FAM174A: variants seen among roughly 807,000 people sequenced by gnomAD.
The protein encoded by FAM174A is family with sequence similarity 174 member A, also known as membrane protein FAM174A.
A neutral mutation model predicts 14.3 loss-of-function variants in FAM174A; 14 were observed. The ratio of observed to expected loss-of-function variants is 0.98; its 90% CI spans 0.65 to 1.53. The LOEUF (loss-of-function observed/expected upper bound fraction) is 1.53, where lower values mean the gene tolerates loss of function less well. Ranked by LOEUF, FAM174A falls within the 40% of genes most tolerant of loss-of-function variation. FAM174A has a pLI of 0.00. For synonymous variants in FAM174A, 108 were observed against 111.4 expected (o/e 0.97, Z 0.19); for missense variants, 241 against 249.6 (o/e 0.97, Z 0.23).
At chr5:100,549,651 T>C (rs995078254) in intron 1 of FAM174A, among the ~76,000 whole-genome samples, 12 of 152,114 alleles carry the variant, frequency 7.9e-5, no homozygotes, top group African/African-American at 2.6e-4. Context: ...AGTAAACACT[T>C]CATTAGAATT....
At chr5:100,560,071 T>C (rs1395508983) in intron 1 of FAM174A, among the ~76,000 whole-genome samples, 4 of 152,052 alleles carry the variant, frequency 2.6e-5, no homozygotes, top group African/African-American at 7.2e-5. Flanking sequence ...TTCCCCATCT[T>C]TGTGGTTTTA....
intron 2 of FAM174A, among the ~76,000 whole-genome samples, chr5:100,580,214 T>C (rs1746984432): frequency 6.6e-6 from 1 of 152,168 alleles, no homozygotes; most frequent in Non-Finnish European, 1.5e-5. Context: ...TACTGTAAGA[T>C]GCCATCAATT....
chr5:100,567,445 T>C (rs138983090), intron 2 of FAM174A, among the ~76,000 whole-genome samples: 79 of 152,028 alleles, frequency 5.2e-4, no homozygotes, highest in African/African-American at 1.9e-3. Context: ...GTTAACAGTT[T>C]ATTTTTCATC....
chr5:100,568,353 C>T (rs1197954872), intron 2 of FAM174A, among the ~76,000 whole-genome samples: 1 of 151,840 alleles, frequency 6.6e-6, no homozygotes, highest in Non-Finnish European at 1.5e-5. Flanking sequence ...TCAGGCATTT[C>T]TCCATAGAGC....
At chr5:100,573,968 TC>T (rs1199333469) in intron 2 of FAM174A, among the ~76,000 whole-genome samples, 1 of 152,154 alleles carries the variant, frequency 6.6e-6, no homozygotes, top group African/African-American at 2.4e-5. Context: ...GGTTTTTTTT[TC>T]TTAATAGAAT....
chr5:100,563,382 A>G (rs1306811304), intron 2 of FAM174A, among the ~76,000 whole-genome samples: 1 of 138,560 alleles, frequency 7.2e-6, no homozygotes, highest in Non-Finnish European at 1.5e-5. Context: ...ATTTTAAGTC[A>G]AAAACTATCT....
chr5:100,585,374 T>G lies in FAM174A; in HGVS notation c.570-807T>G, dbSNP rs1035745233. Among the ~76,000 whole-genome samples the G allele has an allele frequency of 2.0e-5, 3 of 152,204 alleles. No individual in the cohort carries two copies. The South Asian group carries it at 6.2e-4, about 32-fold the overall frequency. On this transcript the variant is annotated intron_variant, in intron 2 of 2. Transcript: ENST00000312637. ...AAAATAAATCAGCATCTACATTTAT[T>G]TTATCCATTCATGGCATACTTTTTT...
At chr5:100,578,060 G>T (rs1746936902) in intron 2 of FAM174A, among the ~76,000 whole-genome samples, 1 of 152,010 alleles carries the variant, frequency 6.6e-6, no homozygotes, top group African/African-American at 2.4e-5. Context: ...TTTATAGTCT[G>T]TTTGTTTGTA....
At chr5:100,578,990 G>T (rs1746954374) in intron 2 of FAM174A, among the ~76,000 whole-genome samples, 1 of 152,166 alleles carries the variant, frequency 6.6e-6, no homozygotes, top group Non-Finnish European at 1.5e-5. Flanking sequence ...CGTAGCCCAT[G>T]TATTGCATAC....
intron 2 of FAM174A, among the ~76,000 whole-genome samples, chr5:100,570,223 T>C (rs1746751989): frequency 6.6e-6 from 1 of 151,934 alleles, no homozygotes; most frequent in Non-Finnish European, 1.5e-5. Context: ...GAGGTGTGTT[T>C]ATTCCTATTA....
At chr5:100,543,065 C>T (rs993718385) in intron 1 of FAM174A, among the ~76,000 whole-genome samples, 1 of 152,008 alleles carries the variant, frequency 6.6e-6, no homozygotes, top group Non-Finnish European at 1.5e-5. Flanking sequence ...CTGCACTCCA[C>T]CTTTCATGAC....
At chr5:100,575,321 A>G (rs999180406) in intron 2 of FAM174A, among the ~76,000 whole-genome samples, 1 of 152,068 alleles carries the variant, frequency 6.6e-6, no homozygotes, top group African/African-American at 2.4e-5. Flanking sequence ...TTACATATGT[A>G]TACATATGCC....
rs368184022 is a variant in FAM174A at position 100,541,011 on chromosome 5, A to G, written c.434+5047A>G. Among the ~76,000 whole-genome samples, 159 of 152,352 alleles carry G rather than the reference A, an allele frequency of 1.0e-3. 1 individual carries two copies. Among genetic ancestry groups the G allele is most frequent in the African/African-American group, 3.5e-3 (144 of 41,582 alleles). On this transcript the variant is annotated intron_variant, in intron 1 of 2. Coordinates refer to ENST00000312637, the MANE Select transcript of FAM174A (RefSeq NM_198507.3). ...ACCACATCAATAGCCATTTGCTTGT[A>G]TGACACCCTGGCTCAGGAGATTTGT... is the stretch of plus-strand genomic sequence containing the variant.
At chr5:100,566,690 A>T (rs761326716) in intron 2 of FAM174A, among the ~76,000 whole-genome samples, 1 of 151,888 alleles carries the variant, frequency 6.6e-6, no homozygotes, top group African/African-American at 2.4e-5. Flanking sequence ...CATCATGCAC[A>T]TCATAACATC....
At chr5:100,552,645 A>G (rs1243668035) in intron 1 of FAM174A, among the ~76,000 whole-genome samples, 1 of 152,116 alleles carries the variant, frequency 6.6e-6, no homozygotes, top group Non-Finnish European at 1.5e-5. Flanking sequence ...TTTATGTGGT[A>G]TCATATATTT....
intron 1 of FAM174A, among the ~76,000 whole-genome samples, chr5:100,556,181 AC>A (rs1451095423): frequency 6.6e-6 from 1 of 152,144 alleles, no homozygotes; most frequent in East Asian, 1.9e-4. Flanking sequence ...TTTTCCCAGC[AC>A]CATTTATTAA....
intron 1 of FAM174A, 69 bp downstream of exon 1, chr5:100,536,033 C>A: frequency 1.4e-6 from 2 of 1,398,862 alleles, no homozygotes; most frequent in Non-Finnish European, 1.9e-6. Context: ...TCCAGCAAGG[C>A]TGACTTCTGT....
intron 2 of FAM174A, among the ~76,000 whole-genome samples, chr5:100,572,326 G>C (rs1420300273): frequency 1.4e-5 from 2 of 141,764 alleles, no homozygotes; most frequent in African/African-American, 5.4e-5. Context: ...ATGTATACAT[G>C]TGCCATGCTG....
chr5:100,564,703 T>C (rs772290017), intron 2 of FAM174A, among the ~76,000 whole-genome samples: 2 of 151,698 alleles, frequency 1.3e-5, no homozygotes, highest in African/African-American at 2.4e-5. Context: ...GAAATTACAA[T>C]GGGTACCTCA....
Sources: allele counts gnomAD v4.1 joint callset (sites outside exome capture counted in the v4.1 genomes callset), GRCh38; gene constraint gnomAD v4.1.1; transcripts MANE v1.5; gene names NCBI Gene and HGNC (gene_info 2026-07-23, HGNC 2026-07-21).